The following DPH6 variants were observed in gnomAD, a reference collection of about 807,000 sequenced individuals.
DPH6 encodes the protein diphthamine biosynthesis 6, also known as diphthine--ammonia ligase.
A neutral mutation model predicts 38.2 loss-of-function variants in DPH6; 33 were observed. That is an observed-to-expected ratio of 0.86 (90% CI 0.65 to 1.15). DPH6 has a LOEUF of 1.15. Among genes scored for constraint, DPH6 ranks in the 50% most tolerant of loss-of-function variants. The probability of loss-of-function intolerance (pLI) is 0.00; values close to 1 mark genes in which losing one functional copy is unlikely to be tolerated. For missense variants in DPH6, 325 were observed against 320.0 expected (o/e 1.02, Z -0.12); for synonymous variants, 108 against 103.0 (o/e 1.05, Z -0.30).
At chr15:35,403,293 G>A (rs745891982) in intron 6 of DPH6, among the ~76,000 whole-genome samples, 1 of 151,614 alleles carries the variant, frequency 6.6e-6, no homozygotes, top group Non-Finnish European at 1.5e-5. Context: ...CTGCTGTTTT[G>A]TTTTTAAATT....
At chr15:35,372,894 T>C (rs1190352233) in intron 8 of DPH6, among the ~76,000 whole-genome samples, 1 of 151,988 alleles carries the variant, frequency 6.6e-6, no homozygotes, top group East Asian at 1.9e-4. Flanking sequence ...TTTCTTCACA[T>C]AATTTCAGCT....
At chr15:35,245,011 A>G (rs2051626339) in intron 3 of DPH6, among the ~76,000 whole-genome samples, 1 of 152,194 alleles carries the variant, frequency 6.6e-6, no homozygotes, top group Non-Finnish European at 1.5e-5. Context: ...CTCATGAAAA[A>G]TGTAGACGAA....
At chr15:35,199,250 T>G in the DPH6 span, among the ~76,000 whole-genome samples, 3 of 152,166 alleles carry the variant, frequency 2.0e-5, no homozygotes, top group Admixed American at 1.3e-4. Context: ...GTCATGAAAC[T>G]TAATGCTCTA....
chr15:35,490,299 T>A, intron 3 of DPH6: 2 of 461,062 alleles, frequency 4.3e-6, no homozygotes, highest in South Asian at 1.8e-4. Context: ...ACCAAATGAA[T>A]GTGAGTAACT....
the DPH6 span, among the ~76,000 whole-genome samples, chr15:35,186,931 A>G: frequency 6.6e-6 from 1 of 152,246 alleles, no homozygotes; most frequent in African/African-American, 2.4e-5. Context: ...TTAAAAATGT[A>G]AAGAATAGTA....
intron 3 of DPH6, chr15:35,522,218 T>G (rs1308662656): frequency 1.9e-6 from 3 of 1,613,334 alleles, no homozygotes; most frequent in Non-Finnish European, 2.5e-6. Context: ...TTCAAATGCA[T>G]GTGAAAATCT....
chr15:35,173,338 G>A, the DPH6 span, among the ~76,000 whole-genome samples: 1 of 152,110 alleles, frequency 6.6e-6, no homozygotes, highest in Non-Finnish European at 1.5e-5. Flanking sequence ...ATTCCAGGCA[G>A]CCAACAAATC....
chr15:35,545,371 G>A (rs2055330531), intron 1 of DPH6, among the ~76,000 whole-genome samples: 1 of 152,154 alleles, frequency 6.6e-6, no homozygotes, highest in South Asian at 2.1e-4. Context: ...TTATGATTTG[G>A]TTACTACAGA....
intron 3 of DPH6, among the ~76,000 whole-genome samples, chr15:35,338,761 A>G (rs2140874271): frequency 6.6e-6 from 1 of 152,364 alleles, no homozygotes; most frequent in African/African-American, 2.4e-5. Flanking sequence ...TATTCACAAT[A>G]GCAAAGACTT....
intron 3 of DPH6, among the ~76,000 whole-genome samples, chr15:35,468,037 A>C (rs1400977970): frequency 6.6e-6 from 1 of 152,214 alleles, no homozygotes; most frequent in African/African-American, 2.4e-5. Flanking sequence ...ATATCAAATA[A>C]ATTTCATAGT....
intron 3 of DPH6, among the ~76,000 whole-genome samples, chr15:35,274,340 G>A (rs550786099): frequency 6.6e-6 from 1 of 151,734 alleles, no homozygotes; most frequent in Non-Finnish European, 1.5e-5. Flanking sequence ...ACATAGGCAC[G>A]GGCAAAGACT....
At chr15:35,380,957 G>A (rs556594845) in intron 7 of DPH6, among the ~76,000 whole-genome samples, 73 of 152,256 alleles carry the variant, frequency 4.8e-4, no homozygotes, top group Middle Eastern at 3.4e-3. Flanking sequence ...AAGCAAGAGT[G>A]CATGAATATT....
intron 5 of DPH6, among the ~76,000 whole-genome samples, chr15:35,427,835 T>C (rs1382968948): frequency 6.6e-6 from 1 of 151,932 alleles, no homozygotes; most frequent in African/African-American, 2.4e-5. Flanking sequence ...ACTTGCTAAG[T>C]AATGAAAACA....
At chr15:35,230,637 C>G (rs974479852) in intron 3 of DPH6, among the ~76,000 whole-genome samples, 2 of 152,200 alleles carry the variant, frequency 1.3e-5, no homozygotes, top group African/African-American at 4.8e-5. Flanking sequence ...ACCAGCAAGT[C>G]TCAGAATCTC....
chr15:35,150,481 G>GT, the DPH6 span, among the ~76,000 whole-genome samples: 10 of 152,194 alleles, frequency 6.6e-5, no homozygotes, highest in African/African-American at 2.4e-4. Context: ...CTCCACAGCT[G>GT]TTATTCATAA....
At chr15:35,529,751 G>A (rs1452906834) in intron 3 of DPH6, among the ~76,000 whole-genome samples, 1 of 152,024 alleles carries the variant, frequency 6.6e-6, no homozygotes, top group Non-Finnish European at 1.5e-5. Flanking sequence ...AGAATAAGAG[G>A]ATTAAGAAAA....
At chr15:35,446,229 CTTTTTTTT>C (rs71123132) in intron 5 of DPH6, among the ~76,000 whole-genome samples, 1 of 95,030 alleles carries the variant, frequency 1.1e-5, no homozygotes, top group African/African-American at 4.2e-5. Flanking sequence ...TTTTTTTTTC[CTTTTTTTT>C]TTTTTTTTTT....
chr15:35,233,713 C>T (rs939583208), intron 3 of DPH6, among the ~76,000 whole-genome samples: 4 of 152,136 alleles, frequency 2.6e-5, no homozygotes, highest in South Asian at 2.1e-4. Context: ...GGCACTATGT[C>T]CTCTCTGACT....
chr15:35,450,857 G>C, intron 4 of DPH6, 54 bp from the exon 5 acceptor site: 1 of 1,356,462 alleles, frequency 7.4e-7, no homozygotes, highest in South Asian at 1.3e-5. Context: ...TTTTATACTT[G>C]GATCCACAGC....
Sources: gnomAD v4.1 joint callset for allele counts (sites outside exome capture counted in the v4.1 genomes callset) on GRCh38, gnomAD v4.1.1 for gene constraint, MANE v1.5 for transcripts, NCBI Gene and HGNC (gene_info 2026-07-23, HGNC 2026-07-21) for gene names.